Variants in ERCC6 observed in about 807,000 individuals in gnomAD.
ERCC6 encodes the protein ERCC excision repair 6, chromatin remodeling factor.
ERCC6 carries 116 observed loss-of-function variants against 158.7 expected under a neutral mutation model. The observed-to-expected ratio is 0.73, with a 90% confidence interval of 0.63 to 0.85. The LOEUF (loss-of-function observed/expected upper bound fraction) is 0.85. Ranked by LOEUF, ERCC6 falls within the 40% of genes least tolerant of loss-of-function variation. The pLI is 0.00. For missense variants in ERCC6, 1,698 were observed against 1,799.4 expected, an observed-to-expected ratio of 0.94 and a Z score of 1.02; for synonymous variants, 678 against 659.3, an observed-to-expected ratio of 1.03 and a Z score of -0.43.
chr10:49,516,837 G>T (rs536043364), intron 5 of ERCC6: 2 of 1,614,050 alleles, frequency 1.2e-6, no homozygotes, highest in Non-Finnish European at 1.7e-6. Context: ...CACAGTAAAC[G>T]TAGATGGAAC....
intron 7 of ERCC6, among the ~76,000 whole-genome samples, chr10:49,498,968 C>A (rs993799067): frequency 1.3e-5 from 2 of 152,142 alleles, no homozygotes; most frequent in Non-Finnish European, 2.9e-5. Context: ...AAACACCCAA[C>A]AGAGTTGCAG....
At chr10:49,521,227 G>A (rs573493890) in intron 5 of ERCC6, among the ~76,000 whole-genome samples, 5 of 152,344 alleles carry the variant, frequency 3.3e-5, no homozygotes, top group Non-Finnish European at 4.4e-5. Flanking sequence ...TAACATGGAG[G>A]TAACAAGGAC....
intron 8 of ERCC6, among the ~76,000 whole-genome samples, chr10:49,488,991 G>A (rs1363471350): frequency 2.0e-5 from 3 of 152,090 alleles, no homozygotes; most frequent in Admixed American, 6.5e-5. Flanking sequence ...TCACCATGTG[G>A]CCAGGATGGT....
chr10:49,493,726 C>T (rs1328420593), intron 7 of ERCC6, among the ~76,000 whole-genome samples: 1 of 152,146 alleles, frequency 6.6e-6, no homozygotes, highest in African/African-American at 2.4e-5. Context: ...AGAAATGCTC[C>T]ACTGATGGGG....
chr10:49,441,617 A>G, the ERCC6 span, among the ~76,000 whole-genome samples: 1 of 151,960 alleles, frequency 6.6e-6, no homozygotes, highest in East Asian at 1.9e-4. Context: ...GCTGTCCCCC[A>G]GCCGCCGGCG....
chr10:49,529,938 T>C (rs573753768), intron 3 of ERCC6, among the ~76,000 whole-genome samples: 1 of 152,102 alleles, frequency 6.6e-6, no homozygotes, highest in African/African-American at 2.4e-5. Flanking sequence ...TTCCCTACCC[T>C]TAAGTTTTCC....
intron 6 of ERCC6, chr10:49,503,902 C>T (rs1156748143): frequency 6.6e-6 from 1 of 152,092 alleles, no homozygotes; most frequent in East Asian, 1.9e-4. Context: ...CACACTAACC[C>T]AAGATTGCAT....
rs1305321725 is a variant in ERCC6 at position 49,455,284 on chromosome 10, C to A, written c.*3531G>T. Reference sequence around the variant, plus strand: ...AAGACTTTAATAAAATGAGGCCTATCATAACACTAATCAGAAACATTATAT... The same window carrying A: ...AAGACTTTAATAAAATGAGGCCTATAATAACACTAATCAGAAACATTATAT... On this transcript the variant is annotated 3_prime_UTR_variant, in exon 21 of 21. Coordinates refer to ENST00000355832, the MANE Select transcript of ERCC6 (RefSeq NM_000124.4). 1 of 152,110 alleles carries A rather than the reference C, an allele frequency of 6.6e-6. No homozygotes were observed. Among genetic ancestry groups the A allele is most frequent in the Non-Finnish European group, 1.5e-5 (1 of 68,022 alleles). The allele number at this position is 152,110 out of a possible 1,614,324, so 9.4% of individuals were successfully genotyped here.
the ERCC6 span, among the ~76,000 whole-genome samples, chr10:49,447,360 C>T: frequency 2.1e-4 from 32 of 152,296 alleles, no homozygotes; most frequent in East Asian, 4.8e-3. Context: ...AAAGCACTTT[C>T]ATCACCCCAT....
intron 7 of ERCC6, 74 bp from the exon 8 acceptor site, chr10:49,493,326 C>A: frequency 6.4e-7 from 1 of 1,563,596 alleles, no homozygotes; most frequent in South Asian, 1.2e-5. Context: ...AAAGATCCCC[C>A]AAAACAACAA....
the ERCC6 span, among the ~76,000 whole-genome samples, chr10:49,444,123 C>T: frequency 6.6e-6 from 1 of 152,222 alleles, no homozygotes; most frequent in Non-Finnish European, 1.5e-5. Flanking sequence ...GGATTAGGTC[C>T]TCCTTCCCCT....
intron 18 of ERCC6, among the ~76,000 whole-genome samples, chr10:49,467,340 C>T (rs976363529): frequency 1.3e-5 from 2 of 152,148 alleles, no homozygotes; most frequent in East Asian, 1.9e-4. Context: ...TCCCACCAGG[C>T]GTGTATGAGA....
Position 49,517,364 on chromosome 10 carries a change from TCA to T in ERCC6, c.1397+6667_1397+6668del, listed in dbSNP as rs761999259. On this transcript the variant is annotated intron_variant, in intron 5 of 20. Transcript: ENST00000355832. ...GATACTCAAAAATGTTTCTGAAAAC[TCA>T]CATCACTTTTTGACAAGCTCCCAGC... Among the ~76,000 whole-genome samples, 49 of 152,230 alleles carry T rather than the reference TCA, an allele frequency of 3.2e-4. 2 individuals are homozygous for T. Among genetic ancestry groups the T allele is most frequent in the Admixed American group, 4.6e-4 (7 of 15,278 alleles).
chr10:49,472,301 A>AACAAC, intron 16 of ERCC6, 75 bp downstream of exon 16: 1 of 1,314,350 alleles, frequency 7.6e-7, no homozygotes, highest in South Asian at 1.2e-5. Context: ...GACTTTTAAA[A>AACAAC]ACAACACTTT....
chr10:49,445,247 G>A, the ERCC6 span, among the ~76,000 whole-genome samples: 1 of 152,282 alleles, frequency 6.6e-6, no homozygotes, highest in Non-Finnish European at 1.5e-5. Flanking sequence ...CTTCACACAT[G>A]CAAAGCATTC....
intron 18 of ERCC6, among the ~76,000 whole-genome samples, chr10:49,465,474 G>A (rs1850658710): frequency 1.3e-5 from 2 of 152,158 alleles, no homozygotes; most frequent in African/African-American, 4.8e-5. Context: ...GGGGACTGTT[G>A]GGAAGGCATG....
intron 20 of ERCC6, among the ~76,000 whole-genome samples, chr10:49,459,784 G>A (rs753929671): frequency 2.0e-5 from 3 of 152,128 alleles, no homozygotes; most frequent in Non-Finnish European, 4.4e-5. Context: ...CACAGAACAT[G>A]GGAAGTCAAA....
chr10:49,524,237 T>C lies in ERCC6; in HGVS notation c.1193A>G (p.Asp398Gly), dbSNP rs377357172. ...AGGCTTCAGCTCATAGTCAGTACCATCTCCAGACAGGTCCGCCTCTGCCCC... is the reference window on the plus strand; with the variant it reads ...AGGCTTCAGCTCATAGTCAGTACCACCTCCAGACAGGTCCGCCTCTGCCCC... ...VEGAEADLSGDGTDYELKPLP... is the reference protein window; with the variant it reads ...VEGAEADLSGGGTDYELKPLP... Residue 398 changes from aspartate to glycine, a missense_variant, in exon 5 of 21, where the codon GAT (aspartate) becomes GGT (glycine). Asp to Gly is a moderately conservative substitution (Grantham distance 94, BLOSUM62 -1). Transcript: ENST00000355832. 8 of 1,613,942 alleles carry C rather than the reference T, an allele frequency of 5.0e-6. No homozygotes were observed. Among genetic ancestry groups the C allele is most frequent in the Non-Finnish European group, 6.8e-6 (8 of 1,180,018 alleles).
At chr10:49,486,109 A>G (rs954164032) in intron 8 of ERCC6, among the ~76,000 whole-genome samples, 1 of 152,216 alleles carries the variant, frequency 6.6e-6, no homozygotes, top group Non-Finnish European at 1.5e-5. Context: ...AAAAAGAACC[A>G]TGAACCTTTA....
Sources: gnomAD v4.1 joint callset for allele counts (sites outside exome capture counted in the v4.1 genomes callset) on GRCh38, gnomAD v4.1.1 for gene constraint, MANE v1.5 for transcripts, NCBI Gene and HGNC (gene_info 2026-07-23, HGNC 2026-07-21) for gene names.